ATG3: variants seen among roughly 807,000 people sequenced by gnomAD.
The protein encoded by ATG3 is autophagy related 3.
ATG3 carries 25 observed loss-of-function variants against 50.7 expected under a neutral mutation model. The observed-to-expected ratio is 0.49, with a 90% CI of 0.36 to 0.69. The LOEUF is 0.69. Ranked by LOEUF, ATG3 falls within the 30% of genes least tolerant of loss-of-function variation. ATG3 has a pLI of 0.00. For missense variants in ATG3, 281 were observed against 376.0 expected (o/e 0.75, Z 2.09); for synonymous variants, 119 against 125.5 (o/e 0.95, Z 0.34).
chr3:112,538,027 T>C lies in ATG3; in HGVS notation c.510+119A>G, dbSNP rs1051846105. ...TTGGAACTCAAAGCTACGTTTTATA[T>C]GCTATAATCAATATGAACAAATTAG... On this transcript the variant is annotated intron_variant, in intron 8 of 11. Transcript: ENST00000283290. The C allele has an allele frequency of 1.2e-5, 14 of 1,196,350 alleles. No homozygotes were observed. The African/African-American group carries it at 2.0e-4, about 17-fold the overall frequency. The allele number at this position is 1,196,350 out of a possible 1,614,324, so 74.1% of individuals were successfully genotyped here.
rs1454124939 is a variant in ATG3, at chr3:112,561,862, GCTGT to G, written c.-338_-335del. ...CACACGCACCCCTCGCCCTCTGCGA[GCTGT>G]CTGTCCTCGCTTTGCTTCACTCGCG... is the stretch of plus-strand genomic sequence containing the variant. On this transcript the variant is annotated 5_prime_UTR_variant, in exon 1 of 12. Coordinates refer to ENST00000283290, the MANE Select transcript of ATG3 (RefSeq NM_022488.5). 2.6e-5 allele frequency: 8 copies of G among 307,060 alleles called. No homozygotes were observed. The highest frequency in any genetic ancestry group is 4.3e-5 in the Non-Finnish European group (7 of 164,590). The allele number at this position is 307,060 out of a possible 1,614,324, so 19.0% of individuals were successfully genotyped here. A position where few individuals can be genotyped will look rare whatever the true frequency, so the allele number is the denominator to read the frequency against.
At chr3:112,539,777 G>A (rs1053580012) in intron 7 of ATG3, among the ~76,000 whole-genome samples, 3 of 152,108 alleles carry the variant, frequency 2.0e-5, no homozygotes, top group Admixed American at 6.5e-5. Flanking sequence ...TAACACAACT[G>A]TTGAGCAAAA....
intron 8 of ATG3, 100 bp from the exon 9 acceptor site, chr3:112,537,990 G>A: frequency 3.1e-6 from 4 of 1,305,950 alleles, no homozygotes; most frequent in Non-Finnish European, 4.2e-6. Context: ...GTTTTCTTAA[G>A]AGTAAATGAA....
At chr3:112,556,155 C>G (rs1445784092) in intron 2 of ATG3, among the ~76,000 whole-genome samples, 1 of 152,212 alleles carries the variant, frequency 6.6e-6, no homozygotes, top group Non-Finnish European at 1.5e-5. Flanking sequence ...AAACCTAAGG[C>G]AGAATAGGAT....
rs780074991 is a variant in ATG3, at chr3:112,541,817, G to A, written c.461C>T (p.Ala154Val). The change falls in exon 7 of 12, where the codon GCT becomes GTT. Residue 154 changes from alanine (A) to valine (V), a missense_variant. Ala to Val is a moderately conservative substitution (Grantham distance 64). Coordinates refer to ENST00000283290, the MANE Select transcript of ATG3 (RefSeq NM_022488.5). ...EEEEDEDEGE[A>V]ADMEEYEESG... ...AACAGGAATACCTTCCATATCTGCA[G>A]CTTCTCCTTCATCTTCATCTTCTTC... is the stretch of plus-strand genomic sequence containing the variant. 1 of 1,611,638 alleles carries A rather than the reference G, an allele frequency of 6.2e-7. No individual in the cohort carries two copies. Among genetic ancestry groups the A allele is most frequent in the Admixed American group, 1.7e-5 (1 of 60,024 alleles).
intron 2 of ATG3, among the ~76,000 whole-genome samples, chr3:112,553,717 A>C (rs1321081262): frequency 2.6e-5 from 4 of 152,214 alleles, no homozygotes; most frequent in Non-Finnish European, 5.9e-5. Context: ...CATTCTTGCC[A>C]ATGACTGAAA....
At chr3:112,559,591 G>T (rs1933783364) in intron 1 of ATG3, among the ~76,000 whole-genome samples, 1 of 152,216 alleles carries the variant, frequency 6.6e-6, no homozygotes, top group African/African-American at 2.4e-5. Flanking sequence ...AGAGAACAAA[G>T]ACTTCACTGA....
At chr3:112,557,144 ATT>A (rs369496139) in intron 2 of ATG3, among the ~76,000 whole-genome samples, 1 of 145,904 alleles carries the variant, frequency 6.9e-6, no homozygotes, top group East Asian at 2.0e-4. Context: ...TATGCAAACC[ATT>A]TTTTTTTTTC....
At position 112,548,483 on chromosome 3, in the gene ATG3, TGAAA is replaced by T. The variant is rs1173177593; in HGVS notation, c.343+46_343+49del. ...AAATCAAGGCTATTATAAAAGATTG[TGAAA>T]GAGTTTAATTTAAACTAAATATATG... is the stretch of plus-strand genomic sequence containing the variant. On this transcript the variant is annotated intron_variant, in intron 5 of 11. Coordinates refer to ENST00000283290, the MANE Select transcript of ATG3 (RefSeq NM_022488.5). 2.8e-6 allele frequency: 4 copies of T among 1,430,506 alleles called. No individual in the cohort carries two copies. In the Admixed American group the frequency reaches 5.1e-5, roughly 18 times the overall value. 88.6% of individuals were successfully genotyped at this position (1,430,506 alleles called of 1,614,324 possible).
intron 3 of ATG3, among the ~76,000 whole-genome samples, chr3:112,551,144 T>C (rs16859758): frequency 0.042 from 6,379 of 152,302 alleles, 247 homozygotes; most frequent in Admixed American, 0.11. Context: ...TGGTATGTGG[T>C]GCCTTTCACA....
At chr3:112,552,132 A>G (rs1284505216) in intron 3 of ATG3, among the ~76,000 whole-genome samples, 1 of 152,198 alleles carries the variant, frequency 6.6e-6, no homozygotes, top group Non-Finnish European at 1.5e-5. Context: ...TCAAAACTGT[A>G]CCTTTCAACT....
At position 112,533,311 on chromosome 3, in the gene ATG3, G is replaced by A; in HGVS notation, c.864-531C>T. ...TGTTCATTGCACTTAAAAACATTAGGAGCTTACTTTTCATTGGGGGAAACC... is the reference window on the plus strand; with the variant it reads ...TGTTCATTGCACTTAAAAACATTAGAAGCTTACTTTTCATTGGGGGAAACC... On this transcript the variant is annotated intron_variant, in intron 11 of 11. Coordinates refer to ENST00000283290, the MANE Select transcript of ATG3 (RefSeq NM_022488.5). The A allele has an allele frequency of 3.0e-6, 3 of 984,830 alleles. No individual in the cohort carries two copies. The South Asian group carries it at 1.4e-4, about 46-fold the overall frequency. The allele number at this position is 984,830 out of a possible 1,614,324, so 61.0% of individuals were successfully genotyped here.
At chr3:112,550,152 T>G (rs780231572) in intron 4 of ATG3, 40 bp downstream of exon 4, 35 of 1,469,606 alleles carry the variant, frequency 2.4e-5, no homozygotes, top group Middle Eastern at 1.8e-4. Flanking sequence ...TTAATATACC[T>G]CTACGCAAAA....
intron 3 of ATG3, among the ~76,000 whole-genome samples, chr3:112,551,912 A>C (rs1933540402): frequency 6.6e-6 from 1 of 152,180 alleles, no homozygotes; most frequent in Non-Finnish European, 1.5e-5. Context: ...GGAGAGAAAA[A>C]TACATAAAAA....
Position 112,541,797 on chromosome 3 carries a change from G to A in ATG3, c.475+6C>T, listed in dbSNP as rs1027501211. Reference sequence around the variant, plus strand: ...TGGAACTGAAGCAAATCTAGAACAGGAATACCTTCCATATCTGCAGCTTCT... The same window carrying A: ...TGGAACTGAAGCAAATCTAGAACAGAAATACCTTCCATATCTGCAGCTTCT... On this transcript the variant is annotated splice_donor_region_variant and intron_variant, in intron 7 of 11. Coordinates refer to ENST00000283290, the MANE Select transcript of ATG3 (RefSeq NM_022488.5). 5.0e-6 allele frequency: 8 copies of A among 1,604,760 alleles called. No individual in the cohort carries two copies. The highest frequency in any genetic ancestry group is 1.7e-5 in the Admixed American group (1 of 59,936).
intron 1 of ATG3, among the ~76,000 whole-genome samples, chr3:112,559,035 G>C (rs745698103): frequency 2.0e-5 from 3 of 152,094 alleles, no homozygotes; most frequent in African/African-American, 7.2e-5. Context: ...CACTGCGCCC[G>C]GCCAAGCTCT....
At chr3:112,533,669 A>C (rs916317232) in intron 11 of ATG3, 62 of 985,208 alleles carry the variant, frequency 6.3e-5, no homozygotes, top group Non-Finnish European at 7.2e-5. Context: ...GTTTTTGATA[A>C]ATCTATGCTA....
chr3:112,549,670 G>T (rs574477628), intron 4 of ATG3, among the ~76,000 whole-genome samples: 1 of 151,928 alleles, frequency 6.6e-6, no homozygotes, highest in Non-Finnish European at 1.5e-5. Context: ...TTAGCCGGGC[G>T]TGGTGGCAGG....
At chr3:112,538,013 A>G (rs1933119678) in intron 8 of ATG3, 123 bp from the exon 9 acceptor site, 2 of 1,235,536 alleles carry the variant, frequency 1.6e-6, no homozygotes, top group African/African-American at 3.1e-5. Flanking sequence ...TGGAACTCAA[A>G]GCTACGTTTT....
Sources: allele counts gnomAD v4.1 joint callset (sites outside exome capture counted in the v4.1 genomes callset), GRCh38; gene constraint gnomAD v4.1.1; transcripts MANE v1.5; gene names NCBI Gene and HGNC (gene_info 2026-07-23, HGNC 2026-07-21).